The following TRMT61B variants were observed in gnomAD, a reference collection of about 807,000 sequenced individuals.
TRMT61B encodes tRNA methyltransferase 61B, also known as tRNA (adenine(58)-N(1))-methyltransferase, mitochondrial.
Under a neutral mutation model 52.0 loss-of-function variants are expected in TRMT61B, and 56 were observed. That is an observed-to-expected ratio of 1.08 (90% CI 0.87 to 1.35). TRMT61B has a LOEUF of 1.35. TRMT61B is among the 40% of genes most tolerant of loss of function. The pLI, the probability that TRMT61B is intolerant of heterozygous loss-of-function variation, is 0.00. For missense variants in TRMT61B, 650 were observed against 577.9 expected, an observed-to-expected ratio of 1.12 and a Z score of -1.28; for synonymous variants, 206 against 220.0, an observed-to-expected ratio of 0.94 and a Z score of 0.56.
At position 28,850,369 on chromosome 2, in the gene TRMT61B, G is replaced by A. The variant is rs1293112011; in HGVS notation, c.1349C>T (p.Pro450Leu). Reference protein sequence around the residue: ...SHSDFPYGSFPYVARPVHWQP... With the variant: ...SHSDFPYGSFLYVARPVHWQP... The stretch of plus-strand genomic sequence containing the variant: ...CCAGTGTACTGGTCTAGCAACATAG[G>A]GAAATGATCCATATGGAAAATCAGA... Residue 450 changes from proline (P) to leucine (L), a missense_variant, in exon 6 of 7, where the codon CCC becomes CTC. By Grantham distance (98) the Pro-to-Leu change is moderately conservative. Transcript: ENST00000306108. 1.2e-6 allele frequency: 2 copies of A among 1,609,610 alleles called. No individual in the cohort carries two copies. The highest frequency in any genetic ancestry group is 1.7e-6 in the Non-Finnish European group (2 of 1,177,982).
intron 2 of TRMT61B, 85 bp downstream of exon 2, chr2:28,864,932 C>CA: frequency 1.3e-6 from 1 of 795,310 alleles, no homozygotes; most frequent in Non-Finnish European, 2.1e-6. Flanking sequence ...AGGTATTTTC[C>CA]CAAATATCTT....
chr2:28,861,372 G>A (rs1177608388), intron 2 of TRMT61B, 64 bp from the exon 3 acceptor site: 1 of 1,337,740 alleles, frequency 7.5e-7, no homozygotes, highest in Non-Finnish European at 1.0e-6. Flanking sequence ...TGTCAAAAAT[G>A]TATTTTGCAA....
At chr2:28,855,234 C>T (rs1669293818) in intron 3 of TRMT61B, among the ~76,000 whole-genome samples, 1 of 152,170 alleles carries the variant, frequency 6.6e-6, no homozygotes, top group Non-Finnish European at 1.5e-5. Context: ...CAGGCTTTAG[C>T]TTTACTCAAT....
In TRMT61B at chr2:28,870,243, AG is replaced by A. The variant is rs759548109; in HGVS notation, c.34del (p.Leu12CysfsTer61). 5 of 1,607,034 alleles carry A rather than the reference AG, an allele frequency of 3.1e-6. No individual in the cohort carries two copies. Among genetic ancestry groups the A allele is most frequent in the Non-Finnish European group, 8.5e-7 (1 of 1,178,260 alleles). On this transcript the variant is annotated frameshift_variant, in exon 1 of 7. Coordinates refer to ENST00000306108, the MANE Select transcript of TRMT61B (RefSeq NM_017910.4). LOFTEE classifies it high-confidence loss of function. Reference protein sequence around the residue: ...LMAWCRGPVLLCLRQGLGTNS... With the variant: ...LMAWCRGPVLXCLRQGLGTNS... ...GGTTCCGAGCCCCTGCCGCAGGCAC[AG>A]CAAGACAGGACCGCGGCACCATGCC...
chr2:28,862,478 G>T (rs1316084687), intron 2 of TRMT61B, among the ~76,000 whole-genome samples: 1 of 150,914 alleles, frequency 6.6e-6, no homozygotes, highest in East Asian at 2.0e-4. Context: ...GACGACAGGT[G>T]TGTGCCACCA....
intron 3 of TRMT61B, among the ~76,000 whole-genome samples, chr2:28,857,357 C>T (rs767520387): frequency 1.3e-5 from 2 of 151,960 alleles, no homozygotes; most frequent in African/African-American, 4.8e-5. Context: ...TTAATAAATG[C>T]CTGTTGACTC....
chr2:28,861,843 CATA>C (rs1273398339), intron 2 of TRMT61B: 1 of 152,188 alleles, frequency 6.6e-6, no homozygotes, highest in Admixed American at 6.5e-5. Flanking sequence ...AATTTATTCA[CATA>C]ATATTACATT....
chr2:28,851,241 T>G lies in TRMT61B; in HGVS notation c.1143A>C (p.Ser381=). The G allele has an allele frequency of 6.2e-7, 1 of 1,613,872 alleles. No individual in the cohort carries two copies. Residue 381 remains serine (S), a synonymous_variant, in exon 5 of 7, where the codon TCA becomes TCC. Transcript: ENST00000306108. ...CAATGACCTCGCTTATCTTTTCACA[T>G]GAAAGAGCAAGTTCACAGGTGCGAA... The part of the protein sequence containing the change: ...DGIRTCELAL[S]CEKISEVIVR...
At chr2:28,868,460 G>T (rs747440691) in intron 1 of TRMT61B, among the ~76,000 whole-genome samples, 1 of 152,154 alleles carries the variant, frequency 6.6e-6, no homozygotes, top group Non-Finnish European at 1.5e-5. Context: ...TACTGGAAAT[G>T]ACCTTATTCT....
intron 1 of TRMT61B, among the ~76,000 whole-genome samples, chr2:28,869,238 G>C (rs1669977706): frequency 6.6e-6 from 1 of 152,058 alleles, no homozygotes; most frequent in Admixed American, 6.6e-5. Context: ...ACATTCTCTT[G>C]AGTCCTGAAG....
chr2:28,851,169 T>A lies in TRMT61B; in HGVS notation c.1215A>T (p.Leu405Phe). The A allele has an allele frequency of 6.2e-7, 1 of 1,613,618 alleles. No individual in the cohort carries two copies. The highest frequency in any genetic ancestry group is 8.5e-7 in the Non-Finnish European group (1 of 1,179,834). ...TGATTTTAGATTCTACTTTTTGAGC[T>A]AAAATTCCATTTTTCTGTTTTGCAA... ...VCLAKQKNGI[L>F]AQKVESKINT... The change falls in exon 5 of 7, where the codon TTA becomes TTT. Residue 405 changes from leucine to phenylalanine, a missense_variant. By Grantham distance (22) the Leu-to-Phe change is conservative. Transcript: ENST00000306108.
At chr2:28,860,657 C>T (rs1404800873) in intron 3 of TRMT61B, among the ~76,000 whole-genome samples, 1 of 152,220 alleles carries the variant, frequency 6.6e-6, no homozygotes, top group Non-Finnish European at 1.5e-5. Flanking sequence ...ATAAACACCT[C>T]TGTCCTCGAC....
intron 2 of TRMT61B, among the ~76,000 whole-genome samples, chr2:28,862,333 G>GTTTTT (rs369559361): frequency 5.5e-5 from 7 of 126,886 alleles, no homozygotes; most frequent in Admixed American, 8.5e-5. Flanking sequence ...TTTGAGTTTG[G>GTTTTT]TTTTTTTTTT....
chr2:28,852,326 A>G (rs1669150930), intron 4 of TRMT61B, 82 bp downstream of exon 4: 1 of 638,246 alleles, frequency 1.6e-6, no homozygotes, highest in East Asian at 3.0e-5. Flanking sequence ...AAAAAAAAAA[A>G]AAAAAAAAAA....
At chr2:28,850,278 T>C (rs776313662) in intron 6 of TRMT61B, 36 bp from the exon 7 acceptor site, 3 of 1,603,350 alleles carry the variant, frequency 1.9e-6, no homozygotes, top group Admixed American at 1.7e-5. Flanking sequence ...AGTCATTATA[T>C]TAATTAAAAG....
chr2:28,851,910 G>GT (rs199667855), intron 4 of TRMT61B, among the ~76,000 whole-genome samples: 4,377 of 111,870 alleles, frequency 0.039, 288 homozygotes, highest in African/African-American at 0.14. Flanking sequence ...AACGAAAAAA[G>GT]TTTAAAAAAA....
chr2:28,852,581 C>A (rs1669168972), intron 3 of TRMT61B, 82 bp from the exon 4 acceptor site: 1 of 843,838 alleles, frequency 1.2e-6, no homozygotes, highest in Non-Finnish European at 1.9e-6. Flanking sequence ...TGAAATGACA[C>A]ACTTTTGGAC....
At chr2:28,866,442 T>C (rs1398072508) in intron 1 of TRMT61B, among the ~76,000 whole-genome samples, 1 of 152,216 alleles carries the variant, frequency 6.6e-6, no homozygotes, top group African/African-American at 2.4e-5. Flanking sequence ...CCTCAGATCA[T>C]CAGGCATTAG....
rs566840108 is a variant in TRMT61B at position 28,853,805 on chromosome 2, A to G, written c.994-1306T>C. Among the ~76,000 whole-genome samples the G allele has an allele frequency of 3.2e-4, 49 of 151,616 alleles. 1 individual carries two copies. The East Asian group carries it at 9.5e-3, about 29-fold the overall frequency. ...AAGCCAAGATTAAACCACTGCACTCAAGCCTGGGTGACAGAGTGAGATTCT... is the reference window on the plus strand; with the variant it reads ...AAGCCAAGATTAAACCACTGCACTCGAGCCTGGGTGACAGAGTGAGATTCT... On this transcript the variant is annotated intron_variant, in intron 3 of 6. Coordinates refer to ENST00000306108, the MANE Select transcript of TRMT61B (RefSeq NM_017910.4).
Sources: allele counts gnomAD v4.1 joint callset (sites outside exome capture counted in the v4.1 genomes callset), GRCh38; gene constraint gnomAD v4.1.1; transcripts MANE v1.5; gene names NCBI Gene and HGNC (gene_info 2026-07-23, HGNC 2026-07-21).